HIC1: variants seen among roughly 807,000 people sequenced by gnomAD.
HIC1 encodes the protein HIC ZBTB transcriptional repressor 1, also known as hypermethylated in cancer 1 protein.
Under a neutral mutation model 26.4 loss-of-function variants are expected in HIC1, and 9 were observed. That is an observed-to-expected ratio of 0.34 (90% CI 0.21 to 0.59). The LOEUF is 0.59. Ranked by LOEUF, HIC1 falls within the 20% of genes least tolerant of loss-of-function variation. The probability of loss-of-function intolerance (pLI) is 0.82; values close to 1 mark genes in which losing one functional copy is unlikely to be tolerated. For synonymous variants in HIC1, 631 were observed against 523.1 expected, an observed-to-expected ratio of 1.21 and a Z score of -2.81; for missense variants, 965 against 1,075.7, an observed-to-expected ratio of 0.90 and a Z score of 1.44.
chr17:2,056,022 C>T (rs1191679129), intron 1 of HIC1, among the ~76,000 whole-genome samples: 4 of 147,730 alleles, frequency 2.7e-5, no homozygotes, highest in Non-Finnish European at 4.5e-5. Flanking sequence ...CCCCCTCCCC[C>T]CCACCTGCTT....
In HIC1 at chr17:2,058,912, C is replaced by G. The variant is rs1210636298; in HGVS notation, c.*77C>G. ...CCCAGGGAGCGGCGGGGGCGGCGCG[C>G]AGGGCCCACTGTGCCCGGGACAACC... On this transcript the variant is annotated 3_prime_UTR_variant, in exon 2 of 2. Transcript: ENST00000619757. The G allele has an allele frequency of 3.2e-6, 4 of 1,251,840 alleles. No homozygotes were observed. The highest frequency in any genetic ancestry group is 4.2e-6 in the Non-Finnish European group (4 of 959,900). 77.5% of individuals were successfully genotyped at this position (1,251,840 alleles called of 1,614,324 possible).
In HIC1 at chr17:2,061,134, T is replaced by C. The variant is rs1378565017; in HGVS notation, c.*2299T>C. On this transcript the variant is annotated 3_prime_UTR_variant, in exon 2 of 2. Coordinates refer to ENST00000619757, the MANE Select transcript of HIC1 (RefSeq NM_006497.4). The stretch of plus-strand genomic sequence containing the variant: ...CCTGCCCTGTCTCCACTGGAGAAAG[T>C]GGCTGCGTCCCCAGGCGAGAAGGCC... The C allele has an allele frequency of 1.4e-5, 3 of 213,348 alleles. No individual in the cohort carries two copies. The highest frequency in any genetic ancestry group is 2.9e-5 in the Non-Finnish European group (3 of 103,232). The allele number at this position is 213,348 out of a possible 1,614,324, so 13.2% of individuals were successfully genotyped here.
Position 2,058,344 on chromosome 17 carries a change from C to T in HIC1, c.1654C>T (p.Arg552Trp). The change falls in exon 2 of 2, where the codon CGG (arginine) becomes TGG (tryptophan). Residue 552 changes from arginine (R) to tryptophan (W), a missense_variant. Transcript: ENST00000619757. The part of the protein sequence containing the change: ...KPFACDACGM[R>W]FTRQYRLTEH... ...CTTCGCGTGCGACGCGTGCGGCATG[C>T]GGTTCACGCGCCAGTACCGCCTCAC... 1 of 1,608,994 alleles carries T rather than the reference C, an allele frequency of 6.2e-7. No individual in the cohort carries two copies.
Position 2,058,722 on chromosome 17 carries a change from T to C in HIC1, c.2032T>C (p.Phe678Leu). 6.5e-7 allele frequency: 1 copy of C among 1,534,714 alleles called. No homozygotes were observed. The highest frequency in any genetic ancestry group is 2.5e-5 in the East Asian group (1 of 39,352). ...ALESLYPLAK[F>L]TAELGLSPDK... ...GGAGAGCCTCTACCCGCTGGCCAAGTTCACGGCCGAGCTGGGCCTCAGCCC... is the reference window on the plus strand; with the variant it reads ...GGAGAGCCTCTACCCGCTGGCCAAGCTCACGGCCGAGCTGGGCCTCAGCCC... Residue 678 changes from phenylalanine (F) to leucine (L), a missense_variant, in exon 2 of 2, where the codon TTC becomes CTC. By Grantham distance (22) the Phe-to-Leu change is conservative. This residue lies in a region of HIC1 where 210 missense variants were observed against 179.2 expected (regional missense o/e 1.17). Transcript: ENST00000619757.
At position 2,061,372 on chromosome 17, in the gene HIC1, G is replaced by A. The variant is rs1041197647; in HGVS notation, c.*2537G>A. 3 of 1,002,734 alleles carry A rather than the reference G, an allele frequency of 3.0e-6. No homozygotes were observed. The highest frequency in any genetic ancestry group is 4.3e-6 in the Non-Finnish European group (3 of 690,096). The allele number at this position is 1,002,734 out of a possible 1,614,324, so 62.1% of individuals were successfully genotyped here. A position where few individuals can be genotyped will look rare whatever the true frequency, so the allele number is the denominator to read the frequency against. ...ATGGCCGTGGCGTGGGTTGGAAGAGGATGGTTTATTGTCTGGGTGGATTGG... is the reference window on the plus strand; with the variant it reads ...ATGGCCGTGGCGTGGGTTGGAAGAGAATGGTTTATTGTCTGGGTGGATTGG... On this transcript the variant is annotated 3_prime_UTR_variant, in exon 2 of 2. Coordinates refer to ENST00000619757, the MANE Select transcript of HIC1 (RefSeq NM_006497.4).
In HIC1 at chr17:2,055,598, G is replaced by C. The variant is rs1246637008; in HGVS notation, c.-21+360G>C. On this transcript the variant is annotated intron_variant, in intron 1 of 1. Coordinates refer to ENST00000619757, the MANE Select transcript of HIC1 (RefSeq NM_006497.4). This position sits in a 1 kb window ranked among gnomAD's most constrained non-coding sequence, Gnocchi z 6.4. ...GGCTAAGAGCTGCCACCGCCGCGGG[G>C]AGGGGAGCCCGGCCCGCCGGGACCG... is the stretch of plus-strand genomic sequence containing the variant. Among the ~76,000 whole-genome samples, 1 of 150,932 alleles carries C rather than the reference G, an allele frequency of 6.6e-6. No individual in the cohort carries two copies. The highest frequency in any genetic ancestry group is 6.6e-5 in the Admixed American group (1 of 15,206).
intron 1 of HIC1, chr17:2,056,377 G>C (rs773647609): frequency 1.9e-6 from 3 of 1,607,922 alleles, no homozygotes; most frequent in Non-Finnish European, 2.6e-6. Context: ...CACTGCGCCT[G>C]AACAGTTTTC....
chr17:2,057,021 C>T lies in HIC1; in HGVS notation c.331C>T (p.Leu111=). The T allele has an allele frequency of 6.7e-7, 1 of 1,488,466 alleles. No individual in the cohort carries two copies. The highest frequency in any genetic ancestry group is 2.8e-5 in the East Asian group (1 of 35,544). 92.2% of individuals were successfully genotyped at this position (1,488,466 alleles called of 1,614,324 possible). A position where few individuals can be genotyped will look rare whatever the true frequency, so the allele number is the denominator to read the frequency against. ...GGCTGAGCCGAGCCTGGGCGCCGTG[C>T]TGGCCGCCGCCAGCTACCTGCAGAT... ...PGAEPSLGAV[L]AAASYLQIPD... is the part of the protein sequence containing the mutation. The change falls in exon 2 of 2, where the codon CTG becomes TTG. Residue 111 remains leucine, a synonymous_variant. Coordinates refer to ENST00000619757, the MANE Select transcript of HIC1 (RefSeq NM_006497.4).
In HIC1 at chr17:2,059,059, T is replaced by C. The variant is rs1478724525; in HGVS notation, c.*224T>C. ...GGGGGTGGGATGGGGTAAGGGAAAT[T>C]TATATTTTTGATATCAGCTTTGACC... On this transcript the variant is annotated 3_prime_UTR_variant, in exon 2 of 2. Transcript: ENST00000619757. 18 of 470,282 alleles carry C rather than the reference T, an allele frequency of 3.8e-5. No individual in the cohort carries two copies. Among genetic ancestry groups the C allele is most frequent in the Non-Finnish European group, 6.5e-5 (17 of 263,154 alleles). The allele number at this position is 470,282 out of a possible 1,614,324, so 29.1% of individuals were successfully genotyped here.
Position 2,058,888 on chromosome 17 carries a change from C to A in HIC1, c.*53C>A. 1 of 1,347,660 alleles carries A rather than the reference C, an allele frequency of 7.4e-7. No individual in the cohort carries two copies. Among genetic ancestry groups the A allele is most frequent in the South Asian group, 1.8e-5 (1 of 55,352 alleles). 83.5% of individuals were successfully genotyped at this position (1,347,660 alleles called of 1,614,324 possible). ...CTGCTGCGCGGCCCTGGCCCGCACC[C>A]CAGGGAGCGGCGGGGGCGGCGCGCA... On this transcript the variant is annotated 3_prime_UTR_variant, in exon 2 of 2. Transcript: ENST00000619757.
chr17:2,056,372 C>G, intron 1 of HIC1: 4 of 1,607,648 alleles, frequency 2.5e-6, no homozygotes, highest in Non-Finnish European at 3.4e-6. Flanking sequence ...AGGGTCACTG[C>G]GCCTGAACAG....
In HIC1 at chr17:2,055,779, C is replaced by T. The variant is rs1301891580; in HGVS notation, c.-21+541C>T. Among the ~76,000 whole-genome samples, 1 of 151,760 alleles carries T rather than the reference C, an allele frequency of 6.6e-6. No homozygotes were observed. Among genetic ancestry groups the T allele is most frequent in the East Asian group, 1.9e-4 (1 of 5,160 alleles). On this transcript the variant is annotated intron_variant, in intron 1 of 1. Coordinates refer to ENST00000619757, the MANE Select transcript of HIC1 (RefSeq NM_006497.4). The surrounding 1 kb of genome is among the most constrained non-coding windows in gnomAD (Gnocchi z 6.4). ...GAGCCGAGGGCCTGGGGCCGGCGCA[C>T]TCCTCCCGCCCTGTCTGCAGTTGGA...
Position 2,061,549 on chromosome 17 carries a change from T to C in HIC1, c.*2714T>C. 5 of 1,574,124 alleles carry C rather than the reference T, an allele frequency of 3.2e-6. No individual in the cohort carries two copies. The highest frequency in any genetic ancestry group is 2.3e-5 in the East Asian group (1 of 42,574). On this transcript the variant is annotated 3_prime_UTR_variant, in exon 2 of 2. Coordinates refer to ENST00000619757, the MANE Select transcript of HIC1 (RefSeq NM_006497.4). Reference sequence around the variant, plus strand: ...GGATGTCCCGTACAGGAACATTCCTTGTGAGCGCCTTCACACGCAGGTTCC... The same window carrying C: ...GGATGTCCCGTACAGGAACATTCCTCGTGAGCGCCTTCACACGCAGGTTCC...
intron 1 of HIC1, chr17:2,056,161 G>T: frequency 1.7e-6 from 1 of 592,126 alleles, no homozygotes; most frequent in South Asian, 2.1e-5. Context: ...ACCGAGGGTT[G>T]ACAGCCCCCG....
Position 2,057,671 on chromosome 17 carries a change from C to G in HIC1, c.981C>G (p.Gly327=). The change falls in exon 2 of 2, where the codon GGC becomes GGG. Residue 327 remains glycine (G), a synonymous_variant. Coordinates refer to ENST00000619757, the MANE Select transcript of HIC1 (RefSeq NM_006497.4). ...PGLGSYGDEL[G]RERGSPSERC... ...TGGGTAGCTATGGCGACGAGCTGGG[C>G]CGGGAGCGCGGCTCCCCCAGCGAGC... is the stretch of plus-strand genomic sequence containing the variant. 1 of 1,507,626 alleles carries G rather than the reference C, an allele frequency of 6.6e-7. No homozygotes were observed. The highest frequency in any genetic ancestry group is 8.8e-7 in the Non-Finnish European group (1 of 1,135,578). 93.4% of individuals were successfully genotyped at this position (1,507,626 alleles called of 1,614,324 possible). A position where few individuals can be genotyped will look rare whatever the true frequency, so the allele number is the denominator to read the frequency against.
intron 1 of HIC1, 76 bp from the exon 2 acceptor site, chr17:2,056,595 G>T: frequency 6.8e-7 from 1 of 1,460,218 alleles, no homozygotes; most frequent in Middle Eastern, 2.1e-4. Context: ...GGGAAGTGGA[G>T]GGGAGAAGTG....
chr17:2,057,017 C>A lies in HIC1; in HGVS notation c.327C>A (p.Ala109=). The A allele has an allele frequency of 6.7e-7, 1 of 1,489,688 alleles. No individual in the cohort carries two copies. Among genetic ancestry groups the A allele is most frequent in the South Asian group, 1.3e-5 (1 of 75,934 alleles). The allele number at this position is 1,489,688 out of a possible 1,614,324, so 92.3% of individuals were successfully genotyped here. A position where few individuals can be genotyped will look rare whatever the true frequency, so the allele number is the denominator to read the frequency against. Residue 109 remains alanine (A), a synonymous_variant, in exon 2 of 2, where the codon GCC becomes GCA. Transcript: ENST00000619757. The stretch of plus-strand genomic sequence containing the variant: ...CGGGGGCTGAGCCGAGCCTGGGCGC[C>A]GTGCTGGCCGCCGCCAGCTACCTGC... ...VAPGAEPSLG[A]VLAAASYLQI...
In HIC1 at chr17:2,057,765, C is replaced by G. The variant is rs770113556; in HGVS notation, c.1075C>G (p.Pro359Ala). 1 of 1,421,846 alleles carries G rather than the reference C, an allele frequency of 7.0e-7. No individual in the cohort carries two copies. The highest frequency in any genetic ancestry group is 1.5e-5 in the South Asian group (1 of 67,722). 88.1% of individuals were successfully genotyped at this position (1,421,846 alleles called of 1,614,324 possible). The change falls in exon 2 of 2, where the codon CCG becomes GCG. Residue 359 changes from proline (P) to alanine (A), a missense_variant. Pro to Ala is a conservative substitution (Grantham distance 27, BLOSUM62 -1). Coordinates refer to ENST00000619757, the MANE Select transcript of HIC1 (RefSeq NM_006497.4). ...GGPPLGLAPP[P>A]RYPGSLDGPG... is the part of the protein sequence containing the mutation. ...GCCCCCGCTCGGCCTGGCGCCGCCGCCGCGCTACCCTGGCAGCCTGGACGG... is the reference window on the plus strand; with the variant it reads ...GCCCCCGCTCGGCCTGGCGCCGCCGGCGCGCTACCCTGGCAGCCTGGACGG...
chr17:2,060,599 G>A lies in HIC1; in HGVS notation c.*1764G>A, dbSNP rs1461662044. ...AGGTGAAAAGGATCAACTAGAAGGG[G>A]AAGAAGGGTGAGGGGCTATTCTGGA... On this transcript the variant is annotated 3_prime_UTR_variant, in exon 2 of 2. Coordinates refer to ENST00000619757, the MANE Select transcript of HIC1 (RefSeq NM_006497.4). 6.6e-6 allele frequency: 1 copy of A among 152,386 alleles called. No homozygotes were observed. Among genetic ancestry groups the A allele is most frequent in the Admixed American group, 6.5e-5 (1 of 15,278 alleles). 9.4% of individuals were successfully genotyped at this position (152,386 alleles called of 1,614,324 possible). A position where few individuals can be genotyped will look rare whatever the true frequency, so the allele number is the denominator to read the frequency against.
Sources: allele counts gnomAD v4.1 joint callset (sites outside exome capture counted in the v4.1 genomes callset), GRCh38; gene constraint gnomAD v4.1.1; regional missense constraint gnomAD v4.1.1; non-coding constraint Gnocchi (gnomAD v3.1); transcripts MANE v1.5; gene names NCBI Gene and HGNC (gene_info 2026-07-23, HGNC 2026-07-21).